The following MECOM variants were observed in gnomAD, a reference collection of about 807,000 sequenced individuals.
MECOM encodes the protein MDS1 and EVI1 complex locus.
A neutral mutation model predicts 116.3 loss-of-function variants in MECOM; 13 were observed. The observed-to-expected ratio is 0.11, with a 90% CI of 0.07 to 0.18. MECOM has a LOEUF of 0.18. Among genes scored for constraint, MECOM ranks in the 10% least tolerant of loss-of-function variants. The pLI is 1.00. For synonymous variants in MECOM, 528 were observed against 535.2 expected, an observed-to-expected ratio of 0.99 and a Z score of 0.19; for missense variants, 1,299 against 1,509.0, an observed-to-expected ratio of 0.86 and a Z score of 2.31.
intron 1 of MECOM, among the ~76,000 whole-genome samples, chr3:169,590,046 T>C (rs1198003803): frequency 2.0e-5 from 3 of 152,214 alleles, no homozygotes; most frequent in Non-Finnish European, 2.9e-5. Context: ...TCCACATGCC[T>C]TCCATTTTGT....
intron 1 of MECOM, among the ~76,000 whole-genome samples, chr3:169,425,291 G>C (rs971211304): frequency 1.3e-5 from 2 of 152,154 alleles, no homozygotes; most frequent in Non-Finnish European, 2.9e-5. Flanking sequence ...GCATGTCCAT[G>C]CTCTTTGCAC....
intron 2 of MECOM, among the ~76,000 whole-genome samples, chr3:169,208,934 G>A (rs1000563588): frequency 6.7e-6 from 1 of 149,416 alleles, no homozygotes; most frequent in Non-Finnish European, 1.5e-5. Context: ...CACATTGCTT[G>A]ACTTCAAACT....
At chr3:169,181,519 G>C (rs573742899) in intron 2 of MECOM, among the ~76,000 whole-genome samples, 1 of 152,208 alleles carries the variant, frequency 6.6e-6, no homozygotes, top group Non-Finnish European at 1.5e-5. Context: ...CTCTTAACTA[G>C]GTTAGTGAGA....
At chr3:169,103,317 T>C (rs889125826) in intron 10 of MECOM, among the ~76,000 whole-genome samples, 1 of 151,970 alleles carries the variant, frequency 6.6e-6, no homozygotes, top group Non-Finnish European at 1.5e-5. Flanking sequence ...CCCCTTTCCT[T>C]TGACCCTCTC....
chr3:169,254,681 T>C (rs1468259574), intron 2 of MECOM, among the ~76,000 whole-genome samples: 1 of 152,140 alleles, frequency 6.6e-6, no homozygotes, highest in Non-Finnish European at 1.5e-5. Flanking sequence ...GAGATAATAT[T>C]ACTCTCAGAT....
At chr3:169,646,229 G>A (rs368100131) in intron 1 of MECOM, among the ~76,000 whole-genome samples, 11 of 148,816 alleles carry the variant, frequency 7.4e-5, no homozygotes, top group African/African-American at 2.2e-4. Context: ...AACACCGCAT[G>A]TTCTCACTCA....
chr3:169,237,121 T>A (rs1164643924), intron 2 of MECOM, among the ~76,000 whole-genome samples: 1 of 152,164 alleles, frequency 6.6e-6, no homozygotes, highest in Non-Finnish European at 1.5e-5. Context: ...AAGGCTTCAG[T>A]AAGTAATGTA....
chr3:169,319,196 C>G (rs144771932), intron 2 of MECOM, among the ~76,000 whole-genome samples: 4 of 151,982 alleles, frequency 2.6e-5, no homozygotes, highest in Admixed American at 6.5e-5. Context: ...CAGTGATCGA[C>G]TGGATAAAGA....
intron 1 of MECOM, among the ~76,000 whole-genome samples, chr3:169,642,428 C>G (rs1206157111): frequency 2.3e-5 from 3 of 133,090 alleles, no homozygotes. Context: ...GCCCGGGCAA[C>G]AGAGCGAGAC....
intron 2 of MECOM, among the ~76,000 whole-genome samples, chr3:169,286,230 C>A (rs1225660075): frequency 6.6e-6 from 1 of 152,146 alleles, no homozygotes; most frequent in East Asian, 1.9e-4. Context: ...GAACTAAGTT[C>A]TCTCAGGTTA....
chr3:169,246,101 T>C (rs1156720183), intron 2 of MECOM, among the ~76,000 whole-genome samples: 2 of 152,202 alleles, frequency 1.3e-5, no homozygotes, highest in Non-Finnish European at 2.9e-5. Flanking sequence ...ATCCATATCA[T>C]AGGGGAATAT....
At chr3:169,461,536 T>C (rs565308903) in intron 1 of MECOM, among the ~76,000 whole-genome samples, 1 of 152,244 alleles carries the variant, frequency 6.6e-6, no homozygotes, top group Admixed American at 6.5e-5. Context: ...ATTTAGCCAA[T>C]AAATAGCAAT....
intron 2 of MECOM, among the ~76,000 whole-genome samples, chr3:169,347,480 GAC>G (rs1725562636): frequency 6.6e-6 from 1 of 152,040 alleles, no homozygotes; most frequent in African/African-American, 2.4e-5. Context: ...ACTATAGAGA[GAC>G]ACGGAGTATT....
rs1404364091 is a variant in MECOM, at chr3:169,578,617, G to A, written c.37+84719C>T. ...TCCAAAGTTCAAATTAAACTTTAGCGTAATAGAGTAGCCTAAGTTAAACCA... is the reference window on the plus strand; with the variant it reads ...TCCAAAGTTCAAATTAAACTTTAGCATAATAGAGTAGCCTAAGTTAAACCA... On this transcript the variant is annotated intron_variant, in intron 1 of 16. Transcript: ENST00000651503. Among the ~76,000 whole-genome samples the A allele has an allele frequency of 4.6e-5, 7 of 152,084 alleles. No homozygotes were observed. The East Asian group carries it at 1.2e-3, about 25-fold the overall frequency.
chr3:169,379,345 C>G (rs1732017288), intron 2 of MECOM, among the ~76,000 whole-genome samples: 1 of 151,912 alleles, frequency 6.6e-6, no homozygotes, highest in African/African-American at 2.4e-5. Context: ...TGGCCATCAA[C>G]TGAATTCTTG....
intron 1 of MECOM, chr3:169,613,699 A>T (rs1227164345): frequency 6.6e-6 from 1 of 152,240 alleles, no homozygotes; most frequent in Non-Finnish European, 1.5e-5. Context: ...CTGGCCAGTG[A>T]ATACCTTCTG....
chr3:169,604,236 T>C lies in MECOM; in HGVS notation c.37+59100A>G, dbSNP rs185064261. 1.7e-3 allele frequency among the ~76,000 whole-genome samples: 259 copies of C among 152,004 alleles called. 1 individual carries two copies. The highest frequency in any genetic ancestry group is 5.9e-4 in the Non-Finnish European group (40 of 67,986). On this transcript the variant is annotated intron_variant, in intron 1 of 16. Coordinates refer to ENST00000651503, the MANE Select transcript of MECOM (RefSeq NM_004991.4). ...AGAGAGAGAAATCTCTCTCTCTCTC[T>C]CTCTCCCTCCCTCCCTCTCTCTCTT...
rs780744119 is a variant in MECOM at position 169,346,731 on chromosome 3, A to T, written c.375+34456T>A. 3.9e-5 allele frequency among the ~76,000 whole-genome samples: 6 copies of T among 152,146 alleles called. No individual in the cohort carries two copies. The South Asian group carries it at 6.2e-4, about 16-fold the overall frequency. On this transcript the variant is annotated intron_variant, in intron 2 of 16. Transcript: ENST00000651503. ...AAAAAAATTTAAAATACTCCAAGACACTACTTAGTTACACACCATGCTGGT... is the reference window on the plus strand; with the variant it reads ...AAAAAAATTTAAAATACTCCAAGACTCTACTTAGTTACACACCATGCTGGT...
At position 169,378,484 on chromosome 3, in the gene MECOM, A is replaced by C. The variant is rs1731649332; in HGVS notation, c.375+2703T>G. On this transcript the variant is annotated intron_variant, in intron 2 of 16. Coordinates refer to ENST00000651503, the MANE Select transcript of MECOM (RefSeq NM_004991.4). ...AAGCAAGCAAGCAAGCAAGAAAGAG[A>C]GAGAGAAAGAAAGAAAGAAAGAAAG... 3.9e-4 allele frequency among the ~76,000 whole-genome samples: 17 copies of C among 43,368 alleles called. 2 individuals are homozygous for C. The highest frequency in any genetic ancestry group is 1.6e-3 in the South Asian group (3 of 1,832). The allele number at this position is 43,368 out of a possible 152,430, so 28.5% of individuals were successfully genotyped here.
Sources: gnomAD v4.1 joint callset for allele counts (sites outside exome capture counted in the v4.1 genomes callset) on GRCh38, gnomAD v4.1.1 for gene constraint, MANE v1.5 for transcripts, NCBI Gene and HGNC (gene_info 2026-07-23, HGNC 2026-07-21) for gene names.